The following ERICH3 variants were observed in gnomAD, a reference collection of about 807,000 sequenced individuals.
The protein encoded by ERICH3 is glutamate rich 3, also known as glutamate-rich protein 3.
A neutral mutation model predicts 131.1 loss-of-function variants in ERICH3; 126 were observed. The observed-to-expected ratio is 0.96, with a 90% CI of 0.83 to 1.11. The LOEUF (loss-of-function observed/expected upper bound fraction) is 1.11. Among genes scored for constraint, ERICH3 ranks in the 50% most tolerant of loss-of-function variants. The pLI is 0.00. For synonymous variants in ERICH3, 695 were observed against 644.6 expected (o/e 1.08, Z -1.18); for missense variants, 2,050 against 1,810.7 (o/e 1.13, Z -2.40).
intron 1 of ERICH3, among the ~76,000 whole-genome samples, chr1:74,666,855 A>G (rs970320557): frequency 7.9e-5 from 12 of 152,202 alleles, no homozygotes; most frequent in African/African-American, 2.9e-4. Flanking sequence ...TCAATGTACT[A>G]TTCAGCAATT....
At chr1:74,609,057 A>G (rs1648533107) in intron 9 of ERICH3, among the ~76,000 whole-genome samples, 1 of 152,060 alleles carries the variant, frequency 6.6e-6, no homozygotes, top group African/African-American at 2.4e-5. Flanking sequence ...TTGACTTCTG[A>G]ATATAATTTG....
chr1:74,576,776 G>T, intron 13 of ERICH3, 119 bp downstream of exon 13: 2 of 883,812 alleles, frequency 2.3e-6, no homozygotes, highest in Non-Finnish European at 3.5e-6. Context: ...CTTCTTAAAA[G>T]TCATTCAATA....
Position 74,571,915 on chromosome 1 carries a change from A to G in ERICH3, c.3795T>C (p.Asp1265=), listed in dbSNP as rs140061689. Residue 1265 remains aspartate (D), a synonymous_variant, in exon 14 of 15, where the codon GAT becomes GAC. Coordinates refer to ENST00000326665, the MANE Select transcript of ERICH3 (RefSeq NM_001002912.5). ...EGRAEGQGGV[D]VVLRTQEAVA... is the part of the protein sequence containing the mutation. ...CAGCTTCCTGGGTCCTTAGCACGAC[A>G]TCCACTCCTCCTTGCCCTTCAGCTC... 1.2e-6 allele frequency: 2 copies of G among 1,612,746 alleles called. No individual in the cohort carries two copies. The highest frequency in any genetic ancestry group is 1.7e-6 in the Non-Finnish European group (2 of 1,180,000).
At chr1:74,603,128 A>G (rs1219695594) in intron 10 of ERICH3, among the ~76,000 whole-genome samples, 1 of 151,864 alleles carries the variant, frequency 6.6e-6, no homozygotes, top group Non-Finnish European at 1.5e-5. Flanking sequence ...CAGCCCTTCC[A>G]CAGGTACCCC....
At chr1:74,620,935 A>T (rs776080885) in intron 7 of ERICH3, 21 bp from the exon 8 acceptor site, 4 of 1,510,180 alleles carry the variant, frequency 2.6e-6, no homozygotes, top group Non-Finnish European at 2.7e-6. Context: ...CAGAAAAATG[A>T]GGCTTATTAA....
At chr1:74,584,117 A>T (rs1422007195) in intron 12 of ERICH3, among the ~76,000 whole-genome samples, 1 of 152,182 alleles carries the variant, frequency 6.6e-6, no homozygotes, top group Non-Finnish European at 1.5e-5. Context: ...CCATGACAAA[A>T]TTCATGATTA....
chr1:74,628,081 G>C (rs987476443), intron 7 of ERICH3, among the ~76,000 whole-genome samples: 1 of 152,164 alleles, frequency 6.6e-6, no homozygotes, highest in African/African-American at 2.4e-5. Context: ...GCCACCTTCT[G>C]TTGCTATTGT....
chr1:74,594,067 T>G (rs1161599502), intron 11 of ERICH3, among the ~76,000 whole-genome samples: 1 of 152,092 alleles, frequency 6.6e-6, no homozygotes, highest in Non-Finnish European at 1.5e-5. Context: ...TTCTTAACTT[T>G]GTCCACCACT....
chr1:74,623,417 G>A (rs1385046030), intron 7 of ERICH3: 4 of 152,154 alleles, frequency 2.6e-5, no homozygotes, highest in Non-Finnish European at 1.5e-5. Context: ...AAACAGTATA[G>A]TGTCAAAGGG....
chr1:74,660,604 TATA>T (rs1464372450), intron 1 of ERICH3, among the ~76,000 whole-genome samples: 2 of 148,648 alleles, frequency 1.3e-5, no homozygotes, highest in Non-Finnish European at 3.0e-5. Context: ...TGTATATATA[TATA>T]TATATATAGT....
In ERICH3 at chr1:74,606,821, T is replaced by G. The variant is rs1253358091; in HGVS notation, c.1269A>C (p.Glu423Asp). 2 of 1,613,246 alleles carry G rather than the reference T, an allele frequency of 1.2e-6. No homozygotes were observed. Among genetic ancestry groups the G allele is most frequent in the Non-Finnish European group, 1.7e-6 (2 of 1,179,472 alleles). Residue 423 changes from glutamate to aspartate, a missense_variant, in exon 10 of 15, where the codon GAA (glutamate) becomes GAC (aspartate). Coordinates refer to ENST00000326665, the MANE Select transcript of ERICH3 (RefSeq NM_001002912.5). ...RKEKSTEKGE[E>D]LKKAEGKVRK... is the part of the protein sequence containing the mutation. ...TCACTTTCCCCTCAGCCTTCTTCAG[T>G]TCCTCTCCTTTCTCAGTGCTCTTTT...
chr1:74,630,997 G>A (rs922787401), intron 7 of ERICH3, among the ~76,000 whole-genome samples: 4 of 152,044 alleles, frequency 2.6e-5, no homozygotes, highest in African/African-American at 9.7e-5. Flanking sequence ...TGGACATGGG[G>A]TGAATAAGGT....
intron 9 of ERICH3, among the ~76,000 whole-genome samples, chr1:74,610,996 C>T (rs1314957670): frequency 1.3e-5 from 2 of 152,104 alleles, no homozygotes; most frequent in Non-Finnish European, 1.5e-5. Context: ...CTGTTTACCT[C>T]CCTCACCTTT....
chr1:74,590,724 AC>A (rs1413380938), intron 11 of ERICH3, among the ~76,000 whole-genome samples: 1 of 152,156 alleles, frequency 6.6e-6, no homozygotes, highest in African/African-American at 2.4e-5. Flanking sequence ...TAGGCCATGG[AC>A]CCTGTACCAG....
chr1:74,635,618 C>A (rs1474627122), intron 6 of ERICH3, among the ~76,000 whole-genome samples: 1 of 152,038 alleles, frequency 6.6e-6, no homozygotes, highest in Non-Finnish European at 1.5e-5. Context: ...GAAAAACTAA[C>A]AATACTTTCC....
Position 74,573,473 on chromosome 1 carries a change from A to G in ERICH3, c.2237T>C (p.Met746Thr), listed in dbSNP as rs1222218186. 7 of 1,517,118 alleles carry G rather than the reference A, an allele frequency of 4.6e-6. No individual in the cohort carries two copies. The African/African-American group carries it at 5.6e-5, about 12-fold the overall frequency. 94.0% of individuals were successfully genotyped at this position (1,517,118 alleles called of 1,614,324 possible). Residue 746 changes from methionine to threonine, a missense_variant, in exon 14 of 15, where the codon ATG becomes ACG. Met to Thr is a moderately conservative substitution (Grantham distance 81). Coordinates refer to ENST00000326665, the MANE Select transcript of ERICH3 (RefSeq NM_001002912.5). ...GTTGATTGCTGCTGTTTCATCCACC[A>G]TGAAATTCATTGTTGGTGCTATAAA... ...LALGAPTMNF[M>T]VDETAAINSN...
chr1:74,664,261 G>A (rs886855165), intron 1 of ERICH3, among the ~76,000 whole-genome samples: 14 of 150,662 alleles, frequency 9.3e-5, no homozygotes, highest in Admixed American at 2.6e-4. Context: ...GTATTTTTCT[G>A]CTCAAAGTAA....
At chr1:74,668,605 C>T (rs975422688) in intron 1 of ERICH3, among the ~76,000 whole-genome samples, 4 of 152,146 alleles carry the variant, frequency 2.6e-5, no homozygotes, top group Admixed American at 6.5e-5. Context: ...AATTAAATGA[C>T]ATTGCCATAA....
chr1:74,664,179 G>T (rs1269343634), intron 1 of ERICH3, among the ~76,000 whole-genome samples: 1 of 151,714 alleles, frequency 6.6e-6, no homozygotes, highest in Non-Finnish European at 1.5e-5. Flanking sequence ...ACAATAAATA[G>T]GAATATAATA....
Sources: allele counts gnomAD v4.1 joint callset (sites outside exome capture counted in the v4.1 genomes callset), GRCh38; gene constraint gnomAD v4.1.1; transcripts MANE v1.5; gene names NCBI Gene and HGNC (gene_info 2026-07-23, HGNC 2026-07-21).